FSIP1: variants seen among roughly 807,000 people sequenced by gnomAD.
FSIP1 encodes the protein fibrous sheath interacting protein 1, also known as fibrous sheath-interacting protein 1.
Under a neutral mutation model 60.9 loss-of-function variants are expected in FSIP1, and 65 were observed. That is an observed-to-expected ratio of 1.07 (90% CI 0.87 to 1.31). The LOEUF is 1.31. Ranked by LOEUF, FSIP1 falls within the 40% of genes most tolerant of loss-of-function variation. FSIP1 has a pLI of 0.00. For missense variants in FSIP1, 675 were observed against 665.5 expected, an observed-to-expected ratio of 1.01 and a Z score of -0.16; for synonymous variants, 209 against 221.2, an observed-to-expected ratio of 0.94 and a Z score of 0.49.
chr15:39,744,888 C>T lies in FSIP1; in HGVS notation c.560-2988G>A, dbSNP rs370647034. Among the ~76,000 whole-genome samples the T allele has an allele frequency of 8.0e-4, 122 of 151,710 alleles. 3 individuals carry two copies. In the South Asian group the frequency reaches 0.025, roughly 31 times the overall value. The stretch of plus-strand genomic sequence containing the variant: ...ATGCCCCTGTGAAGAAGACTGGGGT[C>T]GTGATGAGGGGGTGGCATAGAGCCT... On this transcript the variant is annotated intron_variant, in intron 5 of 11. Coordinates refer to ENST00000350221, the MANE Select transcript of FSIP1 (RefSeq NM_152597.5).
At position 39,638,520 on chromosome 15, in the gene FSIP1, G is replaced by A. The variant is rs141375006; in HGVS notation, c.1189-20275C>T. ...TCTGGAAGCTATAGAAACACACGGC[G>A]ATTTCTCATCTTAAGCAGGTATGTA... is the stretch of plus-strand genomic sequence containing the variant. On this transcript the variant is annotated intron_variant, in intron 10 of 11. Transcript: ENST00000350221. Among the ~76,000 whole-genome samples, 941 of 152,248 alleles carry A rather than the reference G, an allele frequency of 6.2e-3. 4 individuals carry two copies. The highest frequency in any genetic ancestry group is 8.7e-3 in the Non-Finnish European group (591 of 68,010).
chr15:39,599,705 C>A (rs963031343), downstream of FSIP1, among the ~76,000 whole-genome samples: 1 of 152,206 alleles, frequency 6.6e-6, no homozygotes, highest in African/African-American at 2.4e-5. Flanking sequence ...ATTCTTCCCA[C>A]CCAAACCCTA....
intron 10 of FSIP1, among the ~76,000 whole-genome samples, chr15:39,625,030 T>C (rs1891582111): frequency 6.6e-6 from 1 of 152,074 alleles, no homozygotes; most frequent in Non-Finnish European, 1.5e-5. Flanking sequence ...GTTGTGGTGG[T>C]GTGGGAAGCC....
Position 39,618,230 on chromosome 15 carries a change from A to G in FSIP1, c.1204T>C (p.Cys402Arg), listed in dbSNP as rs10152640. ...MKENVLESTS[C>R]LSEEQLKCLL... ...CACTTTAACTGTTCTTCAGAGAGACATGATGTGGACTCTAACTGATGAAAC... is the reference window on the plus strand; with the variant it reads ...CACTTTAACTGTTCTTCAGAGAGACGTGATGTGGACTCTAACTGATGAAAC... The change falls in exon 11 of 12, where the codon TGT (cysteine) becomes CGT (arginine). Residue 402 changes from cysteine (C) to arginine (R), a missense_variant. Transcript: ENST00000350221. The G allele has an allele frequency of 0.31, 500,302 of 1,601,432 alleles. 84,230 individuals carry two copies. Among genetic ancestry groups the G allele is most frequent in the African/African-American group, 0.67 (49,850 of 74,684 alleles).
intron 10 of FSIP1, among the ~76,000 whole-genome samples, chr15:39,640,237 C>T (rs1335571711): frequency 1.3e-5 from 2 of 152,122 alleles, no homozygotes; most frequent in East Asian, 3.8e-4. Context: ...TCTGGAAATT[C>T]CTGTAAGCAG....
At chr15:39,693,230 C>T (rs982838583) in intron 10 of FSIP1, among the ~76,000 whole-genome samples, 1 of 152,208 alleles carries the variant, frequency 6.6e-6, no homozygotes, top group African/African-American at 2.4e-5. Context: ...TTTCACACCA[C>T]GTAATCAACC....
chr15:39,731,618 GCAT>G (rs5812137), intron 8 of FSIP1, among the ~76,000 whole-genome samples: 6,805 of 152,176 alleles, frequency 0.045, 505 homozygotes, highest in African/African-American at 0.15. Context: ...GTAGTAAATG[GCAT>G]CATCATTTTT....
chr15:39,775,036 AAC>A (rs1313592051), intron 2 of FSIP1, among the ~76,000 whole-genome samples: 1 of 151,892 alleles, frequency 6.6e-6, no homozygotes, highest in East Asian at 1.9e-4. Context: ...GTGGAGGGGG[AAC>A]ACAGTTTCAC....
chr15:39,639,581 G>T (rs926689803), intron 10 of FSIP1, among the ~76,000 whole-genome samples: 1 of 152,192 alleles, frequency 6.6e-6, no homozygotes, highest in Non-Finnish European at 1.5e-5. Flanking sequence ...AAGTGAATAT[G>T]CTAGGGTTTC....
In FSIP1 at chr15:39,774,929, T is replaced by C. The variant is rs536693797; in HGVS notation, c.126+1470A>G. Among the ~76,000 whole-genome samples, 5 of 152,344 alleles carry C rather than the reference T, an allele frequency of 3.3e-5. No homozygotes were observed. In the East Asian group the frequency reaches 9.6e-4, roughly 29 times the overall value. ...GACCTGAGAACCCATAATCCAGGTATAGCCCCTCCCTGAACTCCCTTTCTT... is the reference window on the plus strand; with the variant it reads ...GACCTGAGAACCCATAATCCAGGTACAGCCCCTCCCTGAACTCCCTTTCTT... On this transcript the variant is annotated intron_variant, in intron 2 of 11. Transcript: ENST00000350221.
intron 10 of FSIP1, among the ~76,000 whole-genome samples, chr15:39,672,103 A>C (rs1229397386): frequency 6.6e-6 from 1 of 152,200 alleles, no homozygotes; most frequent in Admixed American, 6.5e-5. Context: ...AGTCAAGGAG[A>C]CTAGCGACTA....
At chr15:39,687,137 C>CTTTTTTTT (rs386382788) in intron 10 of FSIP1, among the ~76,000 whole-genome samples, 1 of 115,490 alleles carries the variant, frequency 8.7e-6, no homozygotes, top group Non-Finnish European at 1.7e-5. Context: ...TTTTCTTTTC[C>CTTTTTTTT]TTTTTTTTTT....
intron 11 of FSIP1, among the ~76,000 whole-genome samples, chr15:39,605,184 G>C (rs1890778623): frequency 6.6e-6 from 1 of 152,082 alleles, no homozygotes; most frequent in South Asian, 2.1e-4. Flanking sequence ...AACATACTTA[G>C]CTTTCTTTCA....
chr15:39,616,273 TTTTA>T (rs1436590476), intron 11 of FSIP1, among the ~76,000 whole-genome samples: 1 of 152,250 alleles, frequency 6.6e-6, no homozygotes, highest in Non-Finnish European at 1.5e-5. Flanking sequence ...ATTTAAATTC[TTTTA>T]TTTATTAAAC....
At chr15:39,724,430 T>G (rs1162818734) in intron 9 of FSIP1, among the ~76,000 whole-genome samples, 1 of 152,038 alleles carries the variant, frequency 6.6e-6, no homozygotes, top group Non-Finnish European at 1.5e-5. Flanking sequence ...TTTTTGTATT[T>G]TTTAGTAGAG....
At chr15:39,768,525 TAGTG>T (rs1897767890) in intron 3 of FSIP1, among the ~76,000 whole-genome samples, 1 of 152,164 alleles carries the variant, frequency 6.6e-6, no homozygotes, top group Non-Finnish European at 1.5e-5. Context: ...TCAAACAAAT[TAGTG>T]AGAAGAGTGG....
At chr15:39,709,397 T>A (rs1895405491) in intron 10 of FSIP1, among the ~76,000 whole-genome samples, 1 of 152,328 alleles carries the variant, frequency 6.6e-6, no homozygotes, top group East Asian at 1.9e-4. Flanking sequence ...GAAAAGACAA[T>A]CTCGCATTCT....
chr15:39,777,957 C>T (rs1015703929), intron 1 of FSIP1, among the ~76,000 whole-genome samples: 52 of 152,166 alleles, frequency 3.4e-4, no homozygotes, highest in African/African-American at 1.3e-3. Flanking sequence ...TGAGGCTTCA[C>T]CTAGGTACAC....
intron 5 of FSIP1, among the ~76,000 whole-genome samples, chr15:39,756,480 C>T (rs1382716920): frequency 6.6e-6 from 1 of 152,044 alleles, no homozygotes; most frequent in Non-Finnish European, 1.5e-5. Context: ...ATCCTCCCAC[C>T]TCAGCCTCCT....
Sources: allele counts gnomAD v4.1 joint callset (sites outside exome capture counted in the v4.1 genomes callset), GRCh38; gene constraint gnomAD v4.1.1; transcripts MANE v1.5; gene names NCBI Gene and HGNC (gene_info 2026-07-23, HGNC 2026-07-21).